RAD51B: variants seen among roughly 807,000 people sequenced by gnomAD.
RAD51B encodes the protein DNA repair protein RAD51 homolog 2.
RAD51B carries 38 observed loss-of-function variants against 42.2 expected under a neutral mutation model. The ratio of observed to expected loss-of-function variants is 0.90; its 90% CI spans 0.70 to 1.18. The LOEUF is 1.18. Among genes scored for constraint, RAD51B ranks in the 50% most tolerant of loss-of-function variants. The pLI, the probability that RAD51B is intolerant of heterozygous loss-of-function variation, is 0.00. For synonymous variants in RAD51B, 154 were observed against 145.2 expected, an observed-to-expected ratio of 1.06 and a Z score of -0.43; for missense variants, 373 against 400.7, an observed-to-expected ratio of 0.93 and a Z score of 0.59.
At chr14:68,191,442 C>T (rs934611307) in intron 7 of RAD51B, among the ~76,000 whole-genome samples, 12 of 152,178 alleles carry the variant, frequency 7.9e-5, no homozygotes, top group African/African-American at 2.9e-4. Context: ...GATATGGTTA[C>T]TTACCAATTA....
At chr14:68,605,667 AC>A (rs1339236557) in intron 10 of RAD51B, among the ~76,000 whole-genome samples, 2 of 152,156 alleles carry the variant, frequency 1.3e-5, no homozygotes, top group Non-Finnish European at 2.9e-5. Flanking sequence ...CGAAGGGCCT[AC>A]CCCACTCCTG....
intron 8 of RAD51B, among the ~76,000 whole-genome samples, chr14:68,393,358 G>A (rs779415343): frequency 1.3e-5 from 2 of 152,132 alleles, no homozygotes; most frequent in Non-Finnish European, 2.9e-5. Context: ...CTTCTATGTC[G>A]GATTCAGCCC....
At chr14:68,434,731 G>A (rs912057910) in intron 9 of RAD51B, among the ~76,000 whole-genome samples, 3 of 152,134 alleles carry the variant, frequency 2.0e-5, no homozygotes, top group African/African-American at 4.8e-5. Context: ...GCTTATGCTC[G>A]GTGGGCTGCA....
intron 4 of RAD51B, among the ~76,000 whole-genome samples, chr14:67,860,441 TG>T (rs2042127768): frequency 6.6e-6 from 1 of 152,196 alleles, no homozygotes; most frequent in East Asian, 1.9e-4. Flanking sequence ...GTTTTGACTT[TG>T]TAAGAGTTTA....
chr14:68,588,938 G>A (rs186765603), intron 10 of RAD51B, among the ~76,000 whole-genome samples: 64 of 152,288 alleles, frequency 4.2e-4, no homozygotes, highest in African/African-American at 1.5e-3. Context: ...CTTTCCCAAC[G>A]GGGCTTGGCT....
chr14:68,412,883 T>TTGGA (rs1350320723), intron 9 of RAD51B, among the ~76,000 whole-genome samples: 1 of 152,232 alleles, frequency 6.6e-6, no homozygotes, highest in East Asian at 1.9e-4. Flanking sequence ...TCATTAAGGA[T>TTGGA]TGTTGAACAC....
chr14:68,196,928 CA>C (rs1187055029), intron 7 of RAD51B, among the ~76,000 whole-genome samples: 3 of 152,118 alleles, frequency 2.0e-5, no homozygotes, highest in Non-Finnish European at 2.9e-5. Flanking sequence ...ATCTAAAAGA[CA>C]AAACAGGTTA....
chr14:68,081,052 G>A (rs1452826124), intron 7 of RAD51B, among the ~76,000 whole-genome samples: 1 of 152,188 alleles, frequency 6.6e-6, no homozygotes, highest in Non-Finnish European at 1.5e-5. Flanking sequence ...TCAAAGTTCT[G>A]TAGCATGGCC....
At chr14:68,331,181 G>C (rs552083865) in intron 8 of RAD51B, among the ~76,000 whole-genome samples, 325 of 151,760 alleles carry the variant, frequency 2.1e-3, no homozygotes, top group African/African-American at 7.4e-3. Flanking sequence ...GGCTAACAGG[G>C]TGAAACCCCG....
chr14:68,124,422 A>C (rs1391940725), intron 7 of RAD51B, among the ~76,000 whole-genome samples: 2 of 152,218 alleles, frequency 1.3e-5, no homozygotes, highest in African/African-American at 4.8e-5. Context: ...CACACGAAAA[A>C]GTCTGTACAA....
chr14:68,478,476 T>C (rs1426984078), downstream of RAD51B, among the ~76,000 whole-genome samples: 4 of 152,214 alleles, frequency 2.6e-5, no homozygotes, highest in Non-Finnish European at 5.9e-5. Flanking sequence ...TGGTGACCCG[T>C]AGGATAATTT....
intron 7 of RAD51B, among the ~76,000 whole-genome samples, chr14:68,184,394 C>G (rs961448258): frequency 1.3e-5 from 2 of 151,936 alleles, no homozygotes; most frequent in Admixed American, 1.3e-4. Flanking sequence ...TACCACCATG[C>G]CTGGCTAATA....
At chr14:68,151,326 G>A (rs2078374781) in intron 7 of RAD51B, among the ~76,000 whole-genome samples, 1 of 151,384 alleles carries the variant, frequency 6.6e-6, no homozygotes, top group Non-Finnish European at 1.5e-5. Context: ...TAATCTTGTT[G>A]TTTTTGAGAT....
intron 8 of RAD51B, among the ~76,000 whole-genome samples, chr14:68,366,780 A>G (rs1480605641): frequency 6.6e-6 from 1 of 152,214 alleles, no homozygotes; most frequent in Non-Finnish European, 1.5e-5. Context: ...TGCTCGCATT[A>G]GTGGGCATGT....
intron 7 of RAD51B, among the ~76,000 whole-genome samples, chr14:67,891,720 A>G (rs1024433385): frequency 3.3e-5 from 5 of 152,076 alleles, no homozygotes; most frequent in African/African-American, 1.2e-4. Flanking sequence ...ATGCAGGATT[A>G]TACCTTGTCT....
intron 7 of RAD51B, among the ~76,000 whole-genome samples, chr14:67,959,404 G>A (rs142739609): frequency 0.068 from 10,268 of 151,940 alleles, 833 homozygotes; most frequent in African/African-American, 0.2. Flanking sequence ...CCGCCACCAC[G>A]CCTGGCTAAT....
In RAD51B at chr14:68,331,366, TCAAA is replaced by T. The variant is rs1195976519; in HGVS notation, c.853+39387_853+39390del. Among the ~76,000 whole-genome samples, 6 of 14,152 alleles carry T rather than the reference TCAAA, an allele frequency of 4.2e-4. 1 individual carries two copies. The highest frequency in any genetic ancestry group is 1.8e-3 in the East Asian group (2 of 1,086). The allele number at this position is 14,152 out of a possible 152,430, so 9.3% of individuals were successfully genotyped here. ...CTGGGCTACAGAACGAGACTCTGTCTCAAAAAAAAAAAAAAAAAAGCAATGGTGT... is the reference window on the plus strand; with the variant it reads ...CTGGGCTACAGAACGAGACTCTGTCTAAAAAAAAAAAAAAAGCAATGGTGT... On this transcript the variant is annotated intron_variant, in intron 8 of 10. Coordinates refer to ENST00000471583, the MANE Select transcript of RAD51B (RefSeq NM_133510.4).
chr14:67,992,412 G>T (rs187159104), intron 7 of RAD51B, among the ~76,000 whole-genome samples: 1 of 152,314 alleles, frequency 6.6e-6, no homozygotes, highest in Admixed American at 6.5e-5. Flanking sequence ...AGACTGTGCT[G>T]GGAGTTAAGT....
intron 8 of RAD51B, among the ~76,000 whole-genome samples, chr14:68,336,841 C>A (rs2082464443): frequency 6.6e-6 from 1 of 152,158 alleles, no homozygotes; most frequent in Non-Finnish European, 1.5e-5. Context: ...CTAACCATTT[C>A]TTTGTTTGTC....
Sources: allele counts gnomAD v4.1 joint callset (sites outside exome capture counted in the v4.1 genomes callset), GRCh38; gene constraint gnomAD v4.1.1; transcripts MANE v1.5; gene names NCBI Gene and HGNC (gene_info 2026-07-23, HGNC 2026-07-21).